HTR2C: variants seen among roughly 807,000 people sequenced by gnomAD.
HTR2C encodes 5-hydroxytryptamine (serotonin) receptor 2C, G protein-coupled.
In HTR2C, 5 loss-of-function variants were observed where a neutral mutation model predicts 21.0. The ratio of observed to expected loss-of-function variants is 0.24; its 90% confidence interval spans 0.12 to 0.50. The LOEUF is 0.50. HTR2C is among the 20% of genes least tolerant of loss of function. The probability of loss-of-function intolerance (pLI) is 0.98; values close to 1 mark genes in which losing one functional copy is unlikely to be tolerated. For synonymous variants in HTR2C, 150 were observed against 145.3 expected (o/e 1.03, Z -0.23); for missense variants, 271 against 371.2 (o/e 0.73, Z 2.22).
chrX:114,905,760 G>T (rs1345363605), intron 5 of HTR2C, among the ~76,000 whole-genome samples: 2 of 111,741 alleles, frequency 1.8e-5, no homozygotes, highest in African/African-American at 3.3e-5. Context: ...AAAGCTTCCA[G>T]ATATCTTACT....
chrX:114,816,253 G>GTA (rs782673295), intron 4 of HTR2C, among the ~76,000 whole-genome samples: 4 of 58,778 alleles, frequency 6.8e-5, no homozygotes, highest in African/African-American at 3.3e-4. Context: ...AGATAGATAG[G>GTA]TAGATAGATA....
At chrX:114,749,637 G>C (rs782036042) in intron 4 of HTR2C, among the ~76,000 whole-genome samples, 1 of 109,054 alleles carries the variant, frequency 9.2e-6, no homozygotes, top group African/African-American at 3.3e-5. Context: ...TCTAAGTGGG[G>C]ATCTAAAAGA....
At chrX:114,813,890 T>G (rs1569496847) in intron 4 of HTR2C, among the ~76,000 whole-genome samples, 1 of 111,277 alleles carries the variant, frequency 9.0e-6, no homozygotes, top group Non-Finnish European at 1.9e-5. Context: ...TGTCATAAAG[T>G]TTACAGTGTA....
intron 2 of HTR2C, among the ~76,000 whole-genome samples, chrX:114,700,616 T>C (rs1932434789): frequency 8.9e-6 from 1 of 112,322 alleles, no homozygotes; most frequent in African/African-American, 3.2e-5. Flanking sequence ...AGTCTACAGC[T>C]CCCAGCCTGA....
At chrX:114,611,784 G>A (rs1353545301) in intron 1 of HTR2C, among the ~76,000 whole-genome samples, 2 of 111,396 alleles carry the variant, frequency 1.8e-5, no homozygotes, top group Non-Finnish European at 3.8e-5. Context: ...TGCAAACTCC[G>A]CCTCCCGGGT....
intron 2 of HTR2C, among the ~76,000 whole-genome samples, chrX:114,672,238 A>T (rs781975371): frequency 8.9e-6 from 1 of 111,762 alleles, no homozygotes; most frequent in Admixed American, 9.6e-5. Flanking sequence ...AAGGTAAATT[A>T]AAAATTACAT....
chrX:114,888,537 C>T (rs1293380029), intron 5 of HTR2C, among the ~76,000 whole-genome samples: 2 of 111,715 alleles, frequency 1.8e-5, no homozygotes, highest in African/African-American at 6.5e-5. Context: ...AAATCCTTGA[C>T]TGGGAACTGG....
intron 4 of HTR2C, among the ~76,000 whole-genome samples, chrX:114,820,306 C>G (rs918859800): frequency 1.2e-4 from 13 of 109,617 alleles, no homozygotes; most frequent in Non-Finnish European, 2.3e-4. Context: ...ATAGTCACAT[C>G]ATGAAGAAGG....
At position 114,906,138 on chromosome X, in the gene HTR2C, T is replaced by G. The variant is rs782610745; in HGVS notation, c.551-451T>G. ...ATTACAGGTGGTATTTGTCTCATTT[T>G]TATTGAATTTGGAAAATGATATGCT... On this transcript the variant is annotated intron_variant, in intron 5 of 5. Transcript: ENST00000276198. Among the ~76,000 whole-genome samples, 15 of 112,458 alleles carry G rather than the reference T, an allele frequency of 1.3e-4. No homozygotes were observed. In the South Asian group the frequency reaches 4.5e-3, roughly 33 times the overall value.
At chrX:114,834,350 G>A (rs2070759611) in intron 4 of HTR2C, among the ~76,000 whole-genome samples, 2 of 103,977 alleles carry the variant, frequency 1.9e-5, no homozygotes, top group South Asian at 4.8e-4. Context: ...CTCTTTGTAG[G>A]TCACTCAGGA....
At chrX:114,877,093 G>A (rs1398613565) in intron 5 of HTR2C, among the ~76,000 whole-genome samples, 1 of 110,990 alleles carries the variant, frequency 9.0e-6, no homozygotes, top group African/African-American at 3.3e-5. Context: ...TCTTTGTTGG[G>A]AGGTTTCTGA....
At chrX:114,703,166 A>G (rs1457190850) in intron 2 of HTR2C, among the ~76,000 whole-genome samples, 4 of 108,107 alleles carry the variant, frequency 3.7e-5, no homozygotes, top group Non-Finnish European at 5.7e-5. Context: ...CAGAAAGTTA[A>G]CAAGGATACC....
chrX:114,812,984 G>A (rs782570221), intron 4 of HTR2C, among the ~76,000 whole-genome samples: 3 of 110,894 alleles, frequency 2.7e-5, no homozygotes, highest in Non-Finnish European at 5.7e-5. Context: ...TTACATTTAC[G>A]ATTAATTTTT....
At chrX:114,741,547 A>AAAAAAAAAAAAAAAAAG (rs2069648069) in intron 4 of HTR2C, among the ~76,000 whole-genome samples, 1 of 89,790 alleles carries the variant, frequency 1.1e-5, no homozygotes, top group African/African-American at 3.9e-5. Context: ...AAAAAAAAAA[A>AAAAAAAAAAAAAAAAAG]AATATGAGAT....
rs782686117 is a variant in HTR2C at position 114,888,130 on chromosome X, T to TTTTG, written c.551-18458_551-18455dup. Among the ~76,000 whole-genome samples, 762 of 112,398 alleles carry TTTTG rather than the reference T, an allele frequency of 6.8e-3. 3 individuals carry two copies. Among genetic ancestry groups the TTTTG allele is most frequent in the Admixed American group, 9.9e-3 (105 of 10,611 alleles). On this transcript the variant is annotated intron_variant, in intron 5 of 5. Transcript: ENST00000276198. ...TTCTCCATGTATTTGGCTTTCAGTA[T>TTTTG]TTTGACTAGTTTATCTGTGGATCTC...
intron 2 of HTR2C, among the ~76,000 whole-genome samples, chrX:114,688,948 G>T (rs902080303): frequency 2.7e-5 from 3 of 109,337 alleles, no homozygotes; most frequent in Non-Finnish European, 5.7e-5. Context: ...AGCAGTGTAT[G>T]TTGCACTCAA....
At chrX:114,804,493 G>T (rs1556448064) in intron 4 of HTR2C, among the ~76,000 whole-genome samples, 1 of 111,807 alleles carries the variant, frequency 8.9e-6, no homozygotes, top group Non-Finnish European at 1.9e-5. Context: ...GTGATCAAAA[G>T]AAATAAAATA....
chrX:114,825,862 T>A (rs1363346357), intron 4 of HTR2C, among the ~76,000 whole-genome samples: 2 of 111,522 alleles, frequency 1.8e-5, no homozygotes, highest in African/African-American at 3.3e-5. Context: ...ACTGTTATAT[T>A]CCCTCGATGA....
intron 4 of HTR2C, among the ~76,000 whole-genome samples, chrX:114,790,114 G>C (rs193113879): frequency 6.9e-4 from 77 of 111,769 alleles, no homozygotes; most frequent in Non-Finnish European, 2.3e-4. Flanking sequence ...AGTAGTTTGT[G>C]AGAGATATTA....
Sources: allele counts gnomAD v4.1 joint callset (sites outside exome capture counted in the v4.1 genomes callset), GRCh38; gene constraint gnomAD v4.1.1; transcripts MANE v1.5; gene names NCBI Gene and HGNC (gene_info 2026-07-23, HGNC 2026-07-21).